Variants in TMEM108 observed in about 807,000 individuals in gnomAD.
TMEM108 encodes the protein transmembrane protein 108.
Under a neutral mutation model 35.1 loss-of-function variants are expected in TMEM108, and 12 were observed. That is an observed-to-expected ratio of 0.34 (90% confidence interval 0.22 to 0.55). The LOEUF (loss-of-function observed/expected upper bound fraction) is 0.55. Among genes scored for constraint, TMEM108 ranks in the 20% least tolerant of loss-of-function variants. The probability of loss-of-function intolerance (pLI) is 0.89; values close to 1 mark genes in which losing one functional copy is unlikely to be tolerated. For synonymous variants in TMEM108, 287 were observed against 308.6 expected, an observed-to-expected ratio of 0.93 and a Z score of 0.73; for missense variants, 680 against 753.3, an observed-to-expected ratio of 0.90 and a Z score of 1.14.
chr3:133,242,176 C>T (rs1946323573), intron 3 of TMEM108, among the ~76,000 whole-genome samples: 1 of 152,164 alleles, frequency 6.6e-6, no homozygotes, highest in African/African-American at 2.4e-5. Flanking sequence ...ATTATATCTG[C>T]AAAGACCATT....
At position 133,269,195 on chromosome 3, in the gene TMEM108, A is replaced by G. The variant is rs116143655; in HGVS notation, c.40+39844A>G. Among the ~76,000 whole-genome samples the G allele has an allele frequency of 1.8e-3, 279 of 152,320 alleles. 2 individuals are homozygous for G. Among genetic ancestry groups the G allele is most frequent in the African/African-American group, 6.4e-3 (268 of 41,558 alleles). On this transcript the variant is annotated intron_variant, in intron 3 of 5. Transcript: ENST00000321871. ...AAATCAATTAATGCTGGATCTCAGA[A>G]CTCAGATGAATATGCTGCTAGTTCT...
At chr3:133,070,837 A>G (rs1256696697) in intron 2 of TMEM108, among the ~76,000 whole-genome samples, 1 of 151,812 alleles carries the variant, frequency 6.6e-6, no homozygotes, top group East Asian at 1.9e-4. Flanking sequence ...TCGCATTCTG[A>G]GCTGAAGATG....
intron 2 of TMEM108, among the ~76,000 whole-genome samples, chr3:133,098,850 C>T (rs924881431): frequency 2.0e-5 from 3 of 152,198 alleles, no homozygotes; most frequent in African/African-American, 4.8e-5. Context: ...AGCCTGCCTC[C>T]TGGATGCTTT....
At chr3:133,135,116 C>G (rs1251803172) in intron 2 of TMEM108, among the ~76,000 whole-genome samples, 1 of 151,070 alleles carries the variant, frequency 6.6e-6, no homozygotes, top group East Asian at 1.9e-4. Flanking sequence ...TATCTTCTCT[C>G]ATTGTTACTT....
chr3:133,311,662 T>A (rs906866277), intron 3 of TMEM108, among the ~76,000 whole-genome samples: 8 of 152,232 alleles, frequency 5.3e-5, no homozygotes, highest in Non-Finnish European at 1.0e-4. Context: ...TAGAACATGC[T>A]CCTTTAGCTC....
At chr3:133,322,942 G>A (rs138987776) in intron 3 of TMEM108, among the ~76,000 whole-genome samples, 16 of 152,064 alleles carry the variant, frequency 1.1e-4, no homozygotes, top group Admixed American at 3.3e-4. Context: ...ACAGAAAAGC[G>A]TTTGACAAAA....
chr3:133,378,376 C>T, intron 3 of TMEM108: 1 of 985,518 alleles, frequency 1.0e-6, no homozygotes, highest in Non-Finnish European at 1.2e-6. Flanking sequence ...CTGGGAATCA[C>T]AGCTGGGGCC....
intron 3 of TMEM108, among the ~76,000 whole-genome samples, chr3:133,282,470 T>G (rs926465231): frequency 1.3e-5 from 2 of 152,194 alleles, no homozygotes; most frequent in African/African-American, 2.4e-5. Context: ...CCATGTTTCT[T>G]TACACAGTCA....
At chr3:133,332,300 C>T (rs1258388528) in intron 3 of TMEM108, among the ~76,000 whole-genome samples, 1 of 152,190 alleles carries the variant, frequency 6.6e-6, no homozygotes, top group Non-Finnish European at 1.5e-5. Context: ...CTTATCCAGG[C>T]AGATCATGAT....
At chr3:133,145,756 G>A (rs560707583) in intron 2 of TMEM108, among the ~76,000 whole-genome samples, 22 of 151,996 alleles carry the variant, frequency 1.4e-4, no homozygotes, top group African/African-American at 5.1e-4. Flanking sequence ...TCATGATTTG[G>A]CTCTCTGTTT....
At chr3:133,314,815 A>G (rs1184407233) in intron 3 of TMEM108, among the ~76,000 whole-genome samples, 4 of 152,326 alleles carry the variant, frequency 2.6e-5, no homozygotes, top group African/African-American at 7.2e-5. Context: ...AGCTCATTCC[A>G]ACACCAAAAG....
At chr3:133,147,191 T>C (rs1300982539) in intron 2 of TMEM108, among the ~76,000 whole-genome samples, 1 of 152,224 alleles carries the variant, frequency 6.6e-6, no homozygotes, top group Admixed American at 6.5e-5. Context: ...AAAGAACTTA[T>C]TTATTTCTGC....
intron 3 of TMEM108, among the ~76,000 whole-genome samples, chr3:133,276,208 T>G (rs988257167): frequency 2.6e-5 from 4 of 152,250 alleles, no homozygotes; most frequent in Non-Finnish European, 4.4e-5. Context: ...AATTCAAATT[T>G]TACTGGGTGT....
chr3:133,380,223 C>T lies in TMEM108; in HGVS notation c.512C>T (p.Ser171Phe), dbSNP rs755706778. 5 of 1,612,928 alleles carry T rather than the reference C, an allele frequency of 3.1e-6. No individual in the cohort carries two copies. The South Asian group carries it at 3.3e-5, about 11-fold the overall frequency. ...TTRRPPRPPG[S>F]SRKGAGNSSR... ...CGCAGGCCCCCCAGGCCCCCAGGCT[C>T]TTCCCGAAAAGGGGCTGGTAATTCA... is the stretch of plus-strand genomic sequence containing the variant. Residue 171 changes from serine to phenylalanine, a missense_variant, in exon 4 of 6, where the codon TCT becomes TTT. Physicochemically the swap from Ser to Phe is radical, Grantham distance 155. Around this residue, in one of 3 missense-constraint regions of TMEM108, gnomAD observed 526 missense variants for 532.1 expected, o/e 0.99. Transcript: ENST00000321871. This position sits in a 1 kb window ranked among gnomAD's most constrained non-coding sequence, Gnocchi z 5.3.
At chr3:133,077,423 G>A (rs1254117356) in intron 2 of TMEM108, among the ~76,000 whole-genome samples, 1 of 152,112 alleles carries the variant, frequency 6.6e-6, no homozygotes, top group African/African-American at 2.4e-5. Context: ...GGTGAGATAG[G>A]GCGTCCAGGC....
intron 3 of TMEM108, among the ~76,000 whole-genome samples, chr3:133,249,575 T>C (rs1946437465): frequency 6.6e-6 from 1 of 152,206 alleles, no homozygotes; most frequent in Non-Finnish European, 1.5e-5. Flanking sequence ...GTTTTCTGTT[T>C]CTGCATTAAT....
chr3:133,215,033 G>C (rs1197151490), intron 2 of TMEM108, among the ~76,000 whole-genome samples: 1 of 152,068 alleles, frequency 6.6e-6, no homozygotes, highest in Non-Finnish European at 1.5e-5. Flanking sequence ...CATGAATGTT[G>C]AATTATCTAA....
intron 2 of TMEM108, among the ~76,000 whole-genome samples, chr3:133,154,236 G>C (rs1179373578): frequency 2.6e-5 from 4 of 151,828 alleles, no homozygotes; most frequent in Non-Finnish European, 5.9e-5. Flanking sequence ...CCATTCTGTA[G>C]GTTGCCTGTT....
rs146407941 is a variant in TMEM108 at position 133,210,033 on chromosome 3, G to A, written c.-46-19233G>A. Among the ~76,000 whole-genome samples the A allele has an allele frequency of 4.0e-3, 607 of 152,252 alleles. 3 individuals are homozygous for A. The highest frequency in any genetic ancestry group is 0.014 in the African/African-American group (565 of 41,546). On this transcript the variant is annotated intron_variant, in intron 2 of 5. Transcript: ENST00000321871. The stretch of plus-strand genomic sequence containing the variant: ...GCTTAAAACTTGAATTGCATGAAAG[G>A]CATTGGATCCAAATGTTTAAGAAAC...
Sources: allele counts gnomAD v4.1 joint callset (sites outside exome capture counted in the v4.1 genomes callset), GRCh38; gene constraint gnomAD v4.1.1; regional missense constraint gnomAD v4.1.1; non-coding constraint Gnocchi (gnomAD v3.1); transcripts MANE v1.5; gene names NCBI Gene and HGNC (gene_info 2026-07-23, HGNC 2026-07-21).